The following FGF10 variants were observed in gnomAD, a reference collection of about 807,000 sequenced individuals.
The protein encoded by FGF10 is FGF-10.
In FGF10, 2 loss-of-function variants were observed where a neutral mutation model predicts 19.8. The ratio of observed to expected loss-of-function variants is 0.10; its 90% CI spans 0.04 to 0.32. The LOEUF is 0.32. Among genes scored for constraint, FGF10 ranks in the 10% least tolerant of loss-of-function variants. FGF10 has a pLI of 1.00. For missense variants in FGF10, 191 were observed against 246.3 expected, an observed-to-expected ratio of 0.78 and a Z score of 1.50; for synonymous variants, 112 against 94.0, an observed-to-expected ratio of 1.19 and a Z score of -1.10.
chr5:44,376,483 C>CA (rs1270660819), intron 1 of FGF10, among the ~76,000 whole-genome samples: 9 of 21,522 alleles, frequency 4.2e-4, no homozygotes, highest in Non-Finnish European at 8.3e-4. Context: ...AGTTAGAATA[C>CA]AAATGCCAAA....
At chr5:44,311,017 T>C (rs1740198400) in intron 1 of FGF10, among the ~76,000 whole-genome samples, 1 of 152,108 alleles carries the variant, frequency 6.6e-6, no homozygotes, top group Non-Finnish European at 1.5e-5. Flanking sequence ...ATATAGATAA[T>C]CTAAATCTCT....
Position 44,374,242 on chromosome 5 carries a change from G to A in FGF10, c.325+14116C>T, listed in dbSNP as rs116700466. Reference sequence around the variant, plus strand: ...TGCCTTCTGCCTTCTGTGCTTCTACGTATGTCTAATCTCCTTGTGTCTCTC... The same window carrying A: ...TGCCTTCTGCCTTCTGTGCTTCTACATATGTCTAATCTCCTTGTGTCTCTC... On this transcript the variant is annotated intron_variant, in intron 1 of 2. Coordinates refer to ENST00000264664, the MANE Select transcript of FGF10 (RefSeq NM_004465.2). Among the ~76,000 whole-genome samples the A allele has an allele frequency of 3.2e-3, 493 of 152,020 alleles. 2 individuals carry two copies. The highest frequency in any genetic ancestry group is 4.6e-3 in the Non-Finnish European group (310 of 67,986).
chr5:44,354,144 C>A (rs890518925), intron 1 of FGF10, among the ~76,000 whole-genome samples: 2 of 151,096 alleles, frequency 1.3e-5, no homozygotes, highest in African/African-American at 4.8e-5. Flanking sequence ...AAACAGACTC[C>A]TTAACAAAGA....
At chr5:44,377,234 T>C (rs1431774075) in intron 1 of FGF10, among the ~76,000 whole-genome samples, 1 of 152,190 alleles carries the variant, frequency 6.6e-6, no homozygotes, top group African/African-American at 2.4e-5. Flanking sequence ...GAGACTGCTG[T>C]TTACTTAAAT....
chr5:44,332,963 A>G (rs1740771043), intron 1 of FGF10, among the ~76,000 whole-genome samples: 1 of 152,068 alleles, frequency 6.6e-6, no homozygotes, highest in Non-Finnish European at 1.5e-5. Flanking sequence ...TGGCAAAACT[A>G]CATAGTTCTT....
At chr5:44,344,234 A>C (rs1476794061) in intron 1 of FGF10, among the ~76,000 whole-genome samples, 2 of 151,996 alleles carry the variant, frequency 1.3e-5, no homozygotes, top group African/African-American at 2.4e-5. Context: ...CTGCTAGTCC[A>C]GCCCAAGTAC....
chr5:44,356,977 C>CA (rs991009335), intron 1 of FGF10, among the ~76,000 whole-genome samples: 53 of 151,130 alleles, frequency 3.5e-4, no homozygotes, highest in African/African-American at 1.2e-3. Flanking sequence ...ACTTGGCTTT[C>CA]AAAAATCTAA....
At chr5:44,357,369 C>G (rs1426052328) in intron 1 of FGF10, among the ~76,000 whole-genome samples, 4 of 151,352 alleles carry the variant, frequency 2.6e-5, no homozygotes, top group African/African-American at 9.7e-5. Flanking sequence ...AGGTTTTTTT[C>G]TTATTAGTTT....
At chr5:44,380,822 C>T (rs552278363) in intron 1 of FGF10, among the ~76,000 whole-genome samples, 7 of 152,062 alleles carry the variant, frequency 4.6e-5, no homozygotes, top group South Asian at 4.1e-4. Context: ...CTCTACAAAA[C>T]GAACAAACAA....
chr5:44,352,674 T>C (rs1049027055), intron 1 of FGF10, among the ~76,000 whole-genome samples: 1 of 151,586 alleles, frequency 6.6e-6, no homozygotes, highest in African/African-American at 2.4e-5. Context: ...GAGAAAACAT[T>C]TTCCAGGTAC....
intron 1 of FGF10, among the ~76,000 whole-genome samples, chr5:44,339,344 C>T (rs1740919279): frequency 6.6e-6 from 1 of 151,998 alleles, no homozygotes; most frequent in Admixed American, 6.6e-5. Context: ...ATTTAATTGG[C>T]TTTTAACTTT....
intron 1 of FGF10, among the ~76,000 whole-genome samples, chr5:44,355,090 T>C (rs576083737): frequency 6.6e-6 from 1 of 151,554 alleles, no homozygotes; most frequent in African/African-American, 2.4e-5. Context: ...AGAACTATGG[T>C]CTAAAAGCCA....
In FGF10 at chr5:44,357,149, G is replaced by A. The variant is rs111348294; in HGVS notation, c.325+31209C>T. Among the ~76,000 whole-genome samples, 16 of 151,084 alleles carry A rather than the reference G, an allele frequency of 1.1e-4. 1 individual carries two copies. Among genetic ancestry groups the A allele is most frequent in the African/African-American group, 2.7e-4 (11 of 41,308 alleles). On this transcript the variant is annotated intron_variant, in intron 1 of 2. Transcript: ENST00000264664. Reference sequence around the variant, plus strand: ...AAAAACAACATTCTAATGTAATTTCGAAACATGATGAGTTATTTTTGTTTA... The same window carrying A: ...AAAAACAACATTCTAATGTAATTTCAAAACATGATGAGTTATTTTTGTTTA...
chr5:44,320,509 C>T (rs1047939526), intron 1 of FGF10, among the ~76,000 whole-genome samples: 1 of 152,096 alleles, frequency 6.6e-6, no homozygotes. Flanking sequence ...TACAAAAATT[C>T]AGCATTTAAA....
intron 1 of FGF10, among the ~76,000 whole-genome samples, chr5:44,349,438 AT>A: frequency 1.1e-4 from 2 of 18,122 alleles, no homozygotes; most frequent in South Asian, 2.7e-3. Context: ...ATATATATAT[AT>A]ATATATATAT....
chr5:44,380,333 G>GAT, intron 1 of FGF10, among the ~76,000 whole-genome samples: 1 of 152,132 alleles, frequency 6.6e-6, no homozygotes, highest in East Asian at 1.9e-4. Context: ...TTCTGCATAT[G>GAT]ATAGACTTAA....
At chr5:44,337,023 G>T (rs1331688793) in intron 1 of FGF10, among the ~76,000 whole-genome samples, 1 of 151,984 alleles carries the variant, frequency 6.6e-6, no homozygotes, top group African/African-American at 2.4e-5. Context: ...TGAGAAAGAG[G>T]CTATCTTAAA....
chr5:44,373,015 C>T (rs1354764707), intron 1 of FGF10, among the ~76,000 whole-genome samples: 2 of 152,164 alleles, frequency 1.3e-5, no homozygotes, highest in Non-Finnish European at 2.9e-5. Context: ...ATAGTTTTAT[C>T]AACTTGCCTG....
At chr5:44,328,731 C>T (rs1425515664) in intron 1 of FGF10, among the ~76,000 whole-genome samples, 1 of 152,168 alleles carries the variant, frequency 6.6e-6, no homozygotes, top group Non-Finnish European at 1.5e-5. Context: ...TACTGCACTC[C>T]ATCTGAGTGT....
Sources: allele counts gnomAD v4.1 joint callset (sites outside exome capture counted in the v4.1 genomes callset), GRCh38; gene constraint gnomAD v4.1.1; transcripts MANE v1.5; gene names NCBI Gene and HGNC (gene_info 2026-07-23, HGNC 2026-07-21).